Variants in SYT14 observed in about 807,000 individuals in gnomAD.
SYT14 encodes synaptotagmin-14.
In SYT14, 32 loss-of-function variants were observed where a neutral mutation model predicts 74.2. The ratio of observed to expected loss-of-function variants is 0.43; its 90% CI spans 0.33 to 0.58. SYT14 has a LOEUF of 0.58. Ranked by LOEUF, SYT14 falls within the 20% of genes least tolerant of loss-of-function variation. The pLI, the probability that SYT14 is intolerant of heterozygous loss-of-function variation, is 0.05. For synonymous variants in SYT14, 298 were observed against 337.7 expected (o/e 0.88, Z 1.29); for missense variants, 791 against 981.8 (o/e 0.81, Z 2.60).
intron 5 of SYT14, among the ~76,000 whole-genome samples, chr1:210,048,897 G>C (rs2080936400): frequency 6.6e-6 from 1 of 152,136 alleles, no homozygotes; most frequent in Non-Finnish European, 1.5e-5. Flanking sequence ...TTTCCAAATG[G>C]GAGAAATTCA....
intron 7 of SYT14, among the ~76,000 whole-genome samples, chr1:210,114,626 TA>T (rs987277590): frequency 6.6e-6 from 1 of 151,076 alleles, no homozygotes; most frequent in African/African-American, 2.5e-5. Flanking sequence ...TTATATTTGA[TA>T]AAAAGGAGCC....
exon 8 of SYT14, chr1:210,155,767 G>C: frequency 6.2e-7 from 1 of 1,614,086 alleles, no homozygotes; most frequent in East Asian, 2.2e-5. Context: ...TGTAGTGAAA[G>C]TACATCCTCA....
At chr1:209,984,711 T>C (rs570044062) in intron 2 of SYT14, among the ~76,000 whole-genome samples, 1 of 152,290 alleles carries the variant, frequency 6.6e-6, no homozygotes, top group Admixed American at 6.5e-5. Context: ...TAATTTATTA[T>C]AGAAAAGAGG....
intron 7 of SYT14, among the ~76,000 whole-genome samples, chr1:210,115,898 C>G (rs867131152): frequency 6.6e-6 from 1 of 151,142 alleles, no homozygotes; most frequent in African/African-American, 2.5e-5. Flanking sequence ...AGCAATAAAG[C>G]TTTTTAATCA....
At chr1:209,967,742 G>A (rs1326903846) in intron 2 of SYT14, among the ~76,000 whole-genome samples, 1 of 151,936 alleles carries the variant, frequency 6.6e-6, no homozygotes, top group East Asian at 1.9e-4. Context: ...TTTTCTTGGT[G>A]TTAAAGAGTT....
At chr1:209,956,654 A>G (rs1046557390) in intron 2 of SYT14, among the ~76,000 whole-genome samples, 6 of 152,166 alleles carry the variant, frequency 3.9e-5, no homozygotes, top group Admixed American at 1.3e-4. Flanking sequence ...ACAGCAACCT[A>G]TAGTCTGCCA....
intron 2 of SYT14, among the ~76,000 whole-genome samples, chr1:209,960,482 T>C (rs541226453): frequency 6.6e-6 from 1 of 152,312 alleles, no homozygotes; most frequent in East Asian, 1.9e-4. Flanking sequence ...TTTCCTTGAC[T>C]AGAAGGAAGT....
chr1:210,032,479 A>C (rs17390560), intron 5 of SYT14, among the ~76,000 whole-genome samples: 153 of 152,112 alleles, frequency 1.0e-3, no homozygotes, highest in Non-Finnish European at 2.0e-3. Context: ...AGAAGTTTCC[A>C]AGTTATCATT....
At chr1:209,969,267 G>T (rs1236559788) in intron 2 of SYT14, among the ~76,000 whole-genome samples, 1 of 152,006 alleles carries the variant, frequency 6.6e-6, no homozygotes, top group East Asian at 1.9e-4. Flanking sequence ...ACCTGGTAAT[G>T]GGATTGCTGC....
intron 5 of SYT14, among the ~76,000 whole-genome samples, chr1:210,053,029 T>G (rs1051981559): frequency 6.6e-6 from 1 of 152,198 alleles, no homozygotes; most frequent in Non-Finnish European, 1.5e-5. Context: ...CTTTCCTTTA[T>G]TTGTACATAA....
chr1:210,157,040 C>G (rs1411246016), intron 8 of SYT14, among the ~76,000 whole-genome samples: 1 of 151,972 alleles, frequency 6.6e-6, no homozygotes, highest in Non-Finnish European at 1.5e-5. Context: ...ATGCCGTAAA[C>G]TAAAAATTTG....
intron 5 of SYT14, among the ~76,000 whole-genome samples, chr1:210,060,813 T>C (rs1572232201): frequency 6.6e-6 from 1 of 152,080 alleles, no homozygotes; most frequent in East Asian, 1.9e-4. Context: ...CCAGCTTTAA[T>C]TGGCAGTTGA....
At chr1:210,119,594 GAAT>G (rs1479763834) in intron 7 of SYT14, among the ~76,000 whole-genome samples, 1 of 152,090 alleles carries the variant, frequency 6.6e-6, no homozygotes, top group African/African-American at 2.4e-5. Context: ...GCAGGGAAAA[GAAT>G]AATTCTGGTC....
At chr1:209,942,955 A>G (rs73066422) in intron 1 of SYT14, among the ~76,000 whole-genome samples, 1 of 152,012 alleles carries the variant, frequency 6.6e-6, no homozygotes, top group Non-Finnish European at 1.5e-5. Flanking sequence ...ACTTCTATTA[A>G]TAATGTACCT....
At chr1:210,143,555 A>T (rs2082965580) in intron 7 of SYT14, among the ~76,000 whole-genome samples, 1 of 152,114 alleles carries the variant, frequency 6.6e-6, no homozygotes, top group South Asian at 2.1e-4. Flanking sequence ...ATATTTTACC[A>T]TCTATATTAT....
At chr1:209,945,204 T>C (rs1214970972) in intron 1 of SYT14, among the ~76,000 whole-genome samples, 1 of 152,202 alleles carries the variant, frequency 6.6e-6, no homozygotes, top group Non-Finnish European at 1.5e-5. Context: ...AGGTTATTAT[T>C]ACTATTTTAT....
intron 7 of SYT14, among the ~76,000 whole-genome samples, chr1:210,138,874 A>G (rs756591802): frequency 6.6e-6 from 1 of 152,164 alleles, no homozygotes; most frequent in Non-Finnish European, 1.5e-5. Flanking sequence ...TCAGCTCTTT[A>G]TTGATTTTAT....
rs2082759085 is a variant in SYT14 at position 210,135,208 on chromosome 1, C to T, written c.2035-20513C>T. 2.0e-5 allele frequency among the ~76,000 whole-genome samples: 3 copies of T among 152,150 alleles called. No individual in the cohort carries two copies. The South Asian group carries it at 6.2e-4, about 32-fold the overall frequency. On this transcript the variant is annotated intron_variant, in intron 7 of 9. Coordinates refer to ENST00000637265, the Ensembl canonical transcript of SYT14. ...TGTTGGCCAGTTTGGTCTCAAATTC[C>T]TGGCCTCAAGTGATCCACTGGCCTC...
intron 7 of SYT14, among the ~76,000 whole-genome samples, chr1:210,112,900 C>T (rs1394297817): frequency 6.6e-6 from 1 of 151,288 alleles, no homozygotes; most frequent in African/African-American, 2.5e-5. Context: ...GCAATGAGTT[C>T]AGCTTGCTGA....
Sources: gnomAD v4.1 joint callset for allele counts (sites outside exome capture counted in the v4.1 genomes callset) on GRCh38, gnomAD v4.1.1 for gene constraint, MANE v1.5 for transcripts, NCBI Gene and HGNC (gene_info 2026-07-23, HGNC 2026-07-21) for gene names.